The following PLAGL1 variants were observed in gnomAD, a reference collection of about 807,000 sequenced individuals.
The protein encoded by PLAGL1 is PLAG1 like zinc finger 1.
Under a neutral mutation model 4.6 loss-of-function variants are expected in PLAGL1, and 1 was observed. The ratio of observed to expected loss-of-function variants is 0.22; its 90% CI spans 0.08 to 1.03. The LOEUF is 1.03. Ranked by LOEUF, PLAGL1 falls within the 50% of genes least tolerant of loss-of-function variation. PLAGL1 has a pLI of 0.58. For synonymous variants in PLAGL1, 240 were observed against 237.8 expected (o/e 1.01, Z -0.08); for missense variants, 464 against 570.4 (o/e 0.81, Z 1.90).
chr6:143,947,396 G>C lies in PLAGL1; in HGVS notation c.152+589C>G, dbSNP rs146785410. ...GAGTCCTCTTTCTAGGATACTAAAC[G>C]AATCATATTTCTTCACTACTTATAC... On this transcript the variant is annotated intron_variant, in intron 7 of 7. Coordinates refer to ENST00000674357, the MANE Select transcript of PLAGL1 (RefSeq NM_001317162.2). The surrounding 1 kb of genome is among the most constrained non-coding windows in gnomAD (Gnocchi z 4.3). Among the ~76,000 whole-genome samples, 2 of 152,152 alleles carry C rather than the reference G, an allele frequency of 1.3e-5. No individual in the cohort carries two copies. The highest frequency in any genetic ancestry group is 1.9e-4 in the East Asian group (1 of 5,192).
In PLAGL1 at chr6:143,941,984, G is replaced by A; in HGVS notation, c.832C>T (p.Leu278=). Residue 278 remains leucine, a synonymous_variant, in exon 8 of 8, where the codon CTG becomes TTG. Coordinates refer to ENST00000674357, the MANE Select transcript of PLAGL1 (RefSeq NM_001317162.2). This position sits in a 1 kb window ranked among gnomAD's most constrained non-coding sequence, Gnocchi z 6.0. ...TGGAGGGAGGCCAGGGACTCTGGCA[G>A]CGGCTGCATAGGCTGGGCGGCTTGT... The part of the protein sequence containing the change: ...PEQAAQPMQP[L]PESLASLHPS... 6.3e-7 allele frequency: 1 copy of A among 1,594,618 alleles called. No individual in the cohort carries two copies. Among genetic ancestry groups the A allele is most frequent in the Middle Eastern group, 1.7e-4 (1 of 5,958 alleles).
In PLAGL1 at chr6:143,947,049, G is replaced by A. The variant is rs1171035543; in HGVS notation, c.152+936C>T. On this transcript the variant is annotated intron_variant, in intron 7 of 7. Transcript: ENST00000674357. This position sits in a 1 kb window ranked among gnomAD's most constrained non-coding sequence, Gnocchi z 4.3. Reference sequence around the variant, plus strand: ...CCCTCATGGAAGTAGGTACCTAACAGGCACTCAATAAATAACTTAGACTAA... The same window carrying A: ...CCCTCATGGAAGTAGGTACCTAACAAGCACTCAATAAATAACTTAGACTAA... Among the ~76,000 whole-genome samples the A allele has an allele frequency of 1.3e-5, 2 of 152,168 alleles. No individual in the cohort carries two copies. The highest frequency in any genetic ancestry group is 2.9e-5 in the Non-Finnish European group (2 of 68,030).
At position 143,942,920 on chromosome 6, in the gene PLAGL1, C is replaced by T. The variant is rs1263986164; in HGVS notation, c.153-257G>A. ...TGACTCTTTTGCCCAGGCTGGAGTG[C>T]AGTGGCACGATCATGGCTCACTGCA... On this transcript the variant is annotated intron_variant, in intron 7 of 7. Transcript: ENST00000674357. This position sits in a 1 kb window ranked among gnomAD's most constrained non-coding sequence, Gnocchi z 7.6. Among the ~76,000 whole-genome samples, 1 of 152,040 alleles carries T rather than the reference C, an allele frequency of 6.6e-6. No homozygotes were observed. The highest frequency in any genetic ancestry group is 1.9e-4 in the East Asian group (1 of 5,194).
At chr6:144,001,602 C>T in intron 1 of PLAGL1, among the ~76,000 whole-genome samples, 1 of 152,114 alleles carries the variant, frequency 6.6e-6, no homozygotes, top group Non-Finnish European at 1.5e-5. Flanking sequence ...TATTTGATAT[C>T]CCTCCCTTCC....
chr6:143,994,752 C>T lies in PLAGL1; in HGVS notation c.-583-9578G>A, dbSNP rs1039590276. Among the ~76,000 whole-genome samples, 5 of 152,162 alleles carry T rather than the reference C, an allele frequency of 3.3e-5. No individual in the cohort carries two copies. Among genetic ancestry groups the T allele is most frequent in the Non-Finnish European group, 5.9e-5 (4 of 68,034 alleles). ...GTTGAAAACCCAAACCCTAATGTGACTGTATTTGGAGATAGGGCCATCAGG... is the reference window on the plus strand; with the variant it reads ...GTTGAAAACCCAAACCCTAATGTGATTGTATTTGGAGATAGGGCCATCAGG... On this transcript the variant is annotated intron_variant, in intron 1 of 7. Coordinates refer to ENST00000674357, the MANE Select transcript of PLAGL1 (RefSeq NM_001317162.2). The surrounding 1 kb of genome is among the most constrained non-coding windows in gnomAD (Gnocchi z 4.3).
In PLAGL1 at chr6:144,061,027, G is replaced by A. The variant is rs1427012817; in HGVS notation, c.-151+3441C>T. On this transcript the variant is annotated intron_variant, in intron 1 of 3. Transcript: ENST00000437412. The surrounding 1 kb of genome is among the most constrained non-coding windows in gnomAD (Gnocchi z 4.4). ...CATTTCTCTCCCCTGCCCCCAAAAG[G>A]AGACCTCCACTTATAAGCCTCAGAA... 6.6e-6 allele frequency among the ~76,000 whole-genome samples: 1 copy of A among 152,124 alleles called. No homozygotes were observed. The highest frequency in any genetic ancestry group is 2.4e-5 in the African/African-American group (1 of 41,426).
Position 143,971,884 on chromosome 6 carries a change from T to C in PLAGL1, c.-543-2906A>G, listed in dbSNP as rs997482711. Among the ~76,000 whole-genome samples the C allele has an allele frequency of 1.3e-5, 2 of 152,244 alleles. No individual in the cohort carries two copies. Among genetic ancestry groups the C allele is most frequent in the African/African-American group, 2.4e-5 (1 of 41,460 alleles). ...TTTTTTCATCTCATTAATGGAAATA[T>C]CTAAACATTACGTTGTGGTTTATTT... On this transcript the variant is annotated intron_variant, in intron 2 of 7. Coordinates refer to ENST00000674357, the MANE Select transcript of PLAGL1 (RefSeq NM_001317162.2). The surrounding 1 kb of genome is among the most constrained non-coding windows in gnomAD (Gnocchi z 4.7).
At position 143,941,199 on chromosome 6, in the gene PLAGL1, G is replaced by A. The variant is rs1582996419; in HGVS notation, c.*225C>T. 7 of 386,626 alleles carry A rather than the reference G, an allele frequency of 1.8e-5. No individual in the cohort carries two copies. The East Asian group carries it at 2.7e-4, about 15-fold the overall frequency. 23.9% of individuals were successfully genotyped at this position (386,626 alleles called of 1,614,324 possible). ...TTGGTTATGACAATATTTGCAGTTT[G>A]ATTACAGAACACGCGTTCATTAAAT... On this transcript the variant is annotated 3_prime_UTR_variant, in exon 8 of 8. Transcript: ENST00000674357. This position sits in a 1 kb window ranked among gnomAD's most constrained non-coding sequence, Gnocchi z 6.0.
At chr6:144,019,690 A>T (rs1389613472) in intron 1 of PLAGL1, among the ~76,000 whole-genome samples, 2 of 151,892 alleles carry the variant, frequency 1.3e-5, no homozygotes, top group East Asian at 3.9e-4. Flanking sequence ...ATAAGTAGGC[A>T]TTCTATATTA....
At chr6:144,037,898 T>A (rs753050239) in intron 1 of PLAGL1, among the ~76,000 whole-genome samples, 12 of 152,212 alleles carry the variant, frequency 7.9e-5, no homozygotes, top group Non-Finnish European at 1.8e-4. Context: ...TTGTTCAGGC[T>A]ACAATTTCCC....
chr6:144,010,354 T>G (rs9321957), upstream of PLAGL1, among the ~76,000 whole-genome samples: 47,118 of 151,994 alleles, frequency 0.31, 7,325 homozygotes, highest in Middle Eastern at 0.38. The surrounding 1 kb of genome is among the most constrained non-coding windows in gnomAD (Gnocchi z 4.1). Flanking sequence ...TGATTCACAA[T>G]GGCGACAAAG....
chr6:143,984,572 G>A lies in PLAGL1; in HGVS notation c.-544+563C>T, dbSNP rs1788622275. Among the ~76,000 whole-genome samples the A allele has an allele frequency of 6.6e-6, 1 of 152,034 alleles. No individual in the cohort carries two copies. The highest frequency in any genetic ancestry group is 1.5e-5 in the Non-Finnish European group (1 of 67,988). On this transcript the variant is annotated intron_variant, in intron 2 of 7. Transcript: ENST00000674357. The surrounding 1 kb of genome is among the most constrained non-coding windows in gnomAD (Gnocchi z 5.5). Reference sequence around the variant, plus strand: ...CTTCAAAAGAGGTGAAACAGAACCTGCTAGAACAAGATTCAAGATACAGAC... The same window carrying A: ...CTTCAAAAGAGGTGAAACAGAACCTACTAGAACAAGATTCAAGATACAGAC...
rs774971840 is a variant in PLAGL1 at position 143,942,549 on chromosome 6, C to T, written c.267G>A (p.Met89Ile). The change falls in exon 8 of 8, where the codon ATG becomes ATA. Residue 89 changes from methionine (M) to isoleucine (I), a missense_variant. Physicochemically the swap from Met to Ile is conservative, Grantham distance 10. This residue lies in a region of PLAGL1 where 161 missense variants were observed against 196.7 expected (regional missense o/e 0.82). Coordinates refer to ENST00000674357, the MANE Select transcript of PLAGL1 (RefSeq NM_001317162.2). The surrounding 1 kb of genome is among the most constrained non-coding windows in gnomAD (Gnocchi z 7.6). Reference sequence around the variant, plus strand: ...TCCCACACTCCTCACACCCAAAGGCCATTTTGTTGGGGTCGTGGGTCTGGA... The same window carrying T: ...TCCCACACTCCTCACACCCAAAGGCTATTTTGTTGGGGTCGTGGGTCTGGA... The part of the protein sequence containing the change: ...NHLQTHDPNK[M>I]AFGCEECGKK... The T allele has an allele frequency of 1.2e-6, 2 of 1,614,124 alleles. No homozygotes were observed. The highest frequency in any genetic ancestry group is 8.5e-7 in the Non-Finnish European group (1 of 1,180,038).
intron 6 of PLAGL1, among the ~76,000 whole-genome samples, chr6:143,956,577 G>T (rs1019019490): frequency 6.6e-6 from 1 of 152,138 alleles, no homozygotes; most frequent in African/African-American, 2.4e-5. Context: ...AAATCTTTTG[G>T]TTATCTCTTC....
chr6:144,033,974 T>C (rs537486354), intron 1 of PLAGL1, among the ~76,000 whole-genome samples: 2 of 152,276 alleles, frequency 1.3e-5, no homozygotes, highest in East Asian at 3.9e-4. Flanking sequence ...AGAACCCAAA[T>C]AGAATTGCTA....
rs1788524800 is a variant in PLAGL1, at chr6:143,984,099, T to C, written c.-544+1036A>G. ...TGTTGTCTTATAACTATATTTATAATAATGATTTAGGCCTAACTCCAAGTC... is the reference window on the plus strand; with the variant it reads ...TGTTGTCTTATAACTATATTTATAACAATGATTTAGGCCTAACTCCAAGTC... On this transcript the variant is annotated intron_variant, in intron 2 of 7. Transcript: ENST00000674357. This position sits in a 1 kb window ranked among gnomAD's most constrained non-coding sequence, Gnocchi z 5.5. Among the ~76,000 whole-genome samples, 1 of 152,232 alleles carries C rather than the reference T, an allele frequency of 6.6e-6. No homozygotes were observed. The highest frequency in any genetic ancestry group is 1.5e-5 in the Non-Finnish European group (1 of 68,036).
Position 144,061,307 on chromosome 6 carries a change from T to G in PLAGL1, c.-151+3161A>C, listed in dbSNP as rs886343673. Among the ~76,000 whole-genome samples the G allele has an allele frequency of 6.6e-6, 1 of 152,228 alleles. No homozygotes were observed. The highest frequency in any genetic ancestry group is 2.4e-5 in the African/African-American group (1 of 41,452). ...CATATGACGTTAGCAAGTCAGTCTC[T>G]TCCAATTCCAATTTCTTTCTACAAC... On this transcript the variant is annotated intron_variant, in intron 1 of 3. Coordinates refer to the PLAGL1 transcript ENST00000437412. This position sits in a 1 kb window ranked among gnomAD's most constrained non-coding sequence, Gnocchi z 4.4.
chr6:144,012,970 A>C (rs143636360), upstream of PLAGL1, among the ~76,000 whole-genome samples: 11 of 152,370 alleles, frequency 7.2e-5, no homozygotes, highest in East Asian at 1.9e-3. This position sits in a 1 kb window ranked among gnomAD's most constrained non-coding sequence, Gnocchi z 4.8. Context: ...GAAGTATGCT[A>C]TCTAACATTT....
intron 1 of PLAGL1, among the ~76,000 whole-genome samples, chr6:143,991,237 C>T (rs1790409495): frequency 6.6e-6 from 1 of 152,102 alleles, no homozygotes; most frequent in African/African-American, 2.4e-5. Flanking sequence ...TTTAATTTAC[C>T]ATACATCTAA....
Sources: gnomAD v4.1 joint callset for allele counts (sites outside exome capture counted in the v4.1 genomes callset) on GRCh38, gnomAD v4.1.1 for gene constraint, gnomAD v4.1.1 regional missense constraint, Gnocchi (gnomAD v3.1) non-coding constraint, MANE v1.5 for transcripts, NCBI Gene and HGNC (gene_info 2026-07-23, HGNC 2026-07-21) for gene names.